Variants in TG observed in about 807,000 individuals in gnomAD.
The protein encoded by TG is thyroglobulin.
TG carries 270 observed loss-of-function variants against 324.7 expected under a neutral mutation model. The observed-to-expected ratio is 0.83, with a 90% confidence interval of 0.75 to 0.92. The LOEUF is 0.92. Ranked by LOEUF, TG falls within the 40% of genes least tolerant of loss-of-function variation. The pLI, the probability that TG is intolerant of heterozygous loss-of-function variation, is 0.00. For synonymous variants in TG, 1,401 were observed against 1,327.0 expected, an observed-to-expected ratio of 1.06 and a Z score of -1.21; for missense variants, 3,591 against 3,456.4, an observed-to-expected ratio of 1.04 and a Z score of -0.98.
chr8:132,931,221 C>T (rs774302430), intron 23 of TG, among the ~76,000 whole-genome samples: 1 of 152,164 alleles, frequency 6.6e-6, no homozygotes, highest in Non-Finnish European at 1.5e-5. Context: ...CTCATAAGGA[C>T]ACCAGTCCTA....
intron 46 of TG, among the ~76,000 whole-genome samples, chr8:133,133,103 C>T (rs1017805493): frequency 6.6e-6 from 1 of 152,200 alleles, no homozygotes; most frequent in Non-Finnish European, 1.5e-5. Context: ...GGGCCTTGGA[C>T]AAGCAAGGAC....
intron 41 of TG, chr8:133,037,548 T>C (rs1669200620): frequency 6.6e-6 from 1 of 152,198 alleles, no homozygotes; most frequent in Non-Finnish European, 1.5e-5. Flanking sequence ...TCCTAAGCCA[T>C]GAGCTGATTT....
In TG at chr8:132,889,768, C is replaced by A. The variant is rs2467990; in HGVS notation, c.2761+1200C>A. Among the ~76,000 whole-genome samples the A allele has an allele frequency of 5.2e-3, 799 of 152,192 alleles. 6 individuals are homozygous for A. Among genetic ancestry groups the A allele is most frequent in the Non-Finnish European group, 8.3e-3 (565 of 68,004 alleles). ...CATGAGTTGTTGATACCAAAAGTACCTAGTAACTTTATTTTATTTTATTTT... is the reference window on the plus strand; with the variant it reads ...CATGAGTTGTTGATACCAAAAGTACATAGTAACTTTATTTTATTTTATTTT... On this transcript the variant is annotated intron_variant, in intron 10 of 47. Transcript: ENST00000220616.
intron 29 of TG, among the ~76,000 whole-genome samples, chr8:132,965,113 G>A (rs1203795752): frequency 6.6e-6 from 1 of 152,180 alleles, no homozygotes; most frequent in Non-Finnish European, 1.5e-5. Flanking sequence ...AGACCCACAT[G>A]GGGACTGGCC....
intron 40 of TG, among the ~76,000 whole-genome samples, chr8:133,025,565 G>A (rs1564085670): frequency 6.6e-6 from 1 of 152,094 alleles, no homozygotes; most frequent in Non-Finnish European, 1.5e-5. Flanking sequence ...AGCCGATGGT[G>A]GTGCATTATG....
intron 27 of TG, among the ~76,000 whole-genome samples, chr8:132,958,600 C>G (rs528667519): frequency 5.9e-5 from 9 of 152,034 alleles, no homozygotes; most frequent in African/African-American, 1.9e-4. Flanking sequence ...CGCCTGTAAT[C>G]CCAGCTACTT....
intron 21 of TG, among the ~76,000 whole-genome samples, chr8:132,922,777 C>T (rs1036003027): frequency 6.6e-6 from 1 of 152,144 alleles, no homozygotes; most frequent in Non-Finnish European, 1.5e-5. Flanking sequence ...CAAATGAGCC[C>T]CCTTGGGCCT....
intron 11 of TG, 49 bp downstream of exon 11, chr8:132,893,978 A>T: frequency 6.2e-7 from 1 of 1,613,810 alleles, no homozygotes; most frequent in Non-Finnish European, 8.5e-7. Flanking sequence ...TTGGAAAAGC[A>T]GGAGCTTAAA....
Position 133,060,367 on chromosome 8 carries a change from G to A in TG, c.7239+30344G>A, listed in dbSNP as rs193193464. 68 of 1,537,138 alleles carry A rather than the reference G, an allele frequency of 4.4e-5. 2 individuals carry two copies. The highest frequency in any genetic ancestry group is 3.7e-4 in the South Asian group (30 of 80,520). On this transcript the variant is annotated intron_variant, in intron 41 of 47. Coordinates refer to ENST00000220616, the MANE Select transcript of TG (RefSeq NM_003235.5). ...ATTGGTGAAGATTGGTTACTTTTGC[G>A]CAGCTCAAGTTCTTTTATCAAGGGA...
chr8:133,070,798 C>A (rs943241376), intron 41 of TG, among the ~76,000 whole-genome samples: 5 of 152,212 alleles, frequency 3.3e-5, no homozygotes, highest in African/African-American at 1.2e-4. Flanking sequence ...GGTGTGCACA[C>A]TGGCCCGTGT....
intron 41 of TG, among the ~76,000 whole-genome samples, chr8:133,036,478 T>C (rs1837147145): frequency 6.6e-6 from 1 of 152,188 alleles, no homozygotes; most frequent in African/African-American, 2.4e-5. Flanking sequence ...ATAACAATCG[T>C]TCAGAATTTG....
chr8:132,990,924 T>G (rs1303621161), intron 35 of TG, among the ~76,000 whole-genome samples: 1 of 151,732 alleles, frequency 6.6e-6, no homozygotes, highest in Non-Finnish European at 1.5e-5. Context: ...AGTTTTTTTT[T>G]TTTTTTTTTT....
chr8:132,898,768 G>A, intron 13 of TG, 30 bp from the exon 14 acceptor site: 1 of 1,607,292 alleles, frequency 6.2e-7, no homozygotes, highest in African/African-American at 1.3e-5. Context: ...CCCACGACCA[G>A]TCCTTTACAA....
At chr8:133,093,993 G>T (rs534640338) in intron 41 of TG, among the ~76,000 whole-genome samples, 5 of 152,160 alleles carry the variant, frequency 3.3e-5, no homozygotes, top group Non-Finnish European at 5.9e-5. Flanking sequence ...GGTAAGAGCA[G>T]TGGCACTGGT....
intron 29 of TG, among the ~76,000 whole-genome samples, chr8:132,966,233 G>A (rs1158029230): frequency 6.6e-6 from 1 of 152,152 alleles, no homozygotes; most frequent in Non-Finnish European, 1.5e-5. Context: ...AAGTCTCCAG[G>A]GGAAAACTTC....
chr8:133,125,088 A>T (rs1417743116), intron 45 of TG, among the ~76,000 whole-genome samples: 1 of 152,208 alleles, frequency 6.6e-6, no homozygotes, highest in African/African-American at 2.4e-5. Flanking sequence ...ATCTTCTTCA[A>T]CATTGATTTG....
rs537045585 is a variant in TG, at chr8:133,022,285, A to G, written c.7036+135A>G. 1.9e-3 allele frequency: 2,210 copies of G among 1,162,690 alleles called. 4 individuals are homozygous for G. The highest frequency in any genetic ancestry group is 2.5e-3 in the Non-Finnish European group (1,927 of 778,518). The allele number at this position is 1,162,690 out of a possible 1,614,324, so 72.0% of individuals were successfully genotyped here. A position where few individuals can be genotyped will look rare whatever the true frequency, so the allele number is the denominator to read the frequency against. ...GCACACAGTGGAAATTTTAGCACAT[A>G]TGGGAGACCCTCCGGGGATACTGAC... is the stretch of plus-strand genomic sequence containing the variant. On this transcript the variant is annotated intron_variant, in intron 40 of 47. Transcript: ENST00000220616.
intron 32 of TG, among the ~76,000 whole-genome samples, chr8:132,970,192 A>T (rs746776552): frequency 3.3e-5 from 5 of 152,074 alleles, no homozygotes; most frequent in African/African-American, 1.2e-4. Flanking sequence ...ACTCATATAC[A>T]TATAAATAAT....
intron 27 of TG, among the ~76,000 whole-genome samples, chr8:132,949,706 C>T (rs540776503): frequency 6.6e-6 from 1 of 152,312 alleles, no homozygotes; most frequent in South Asian, 2.1e-4. Flanking sequence ...CTTTCTCTTT[C>T]CTCTTCTTTC....
Sources: allele counts gnomAD v4.1 joint callset (sites outside exome capture counted in the v4.1 genomes callset), GRCh38; gene constraint gnomAD v4.1.1; transcripts MANE v1.5; gene names NCBI Gene and HGNC (gene_info 2026-07-23, HGNC 2026-07-21).